Variants in DCAF8L2 observed in about 807,000 individuals in gnomAD.
DCAF8L2 encodes DDB1- and CUL4-associated factor 8-like protein 2.
For missense variants in DCAF8L2, 430 were observed against 490.7 expected, an observed-to-expected ratio of 0.88 and a Z score of 1.17; for synonymous variants, 200 against 190.9, an observed-to-expected ratio of 1.05 and a Z score of -0.39.
chrX:27,728,925 T>C (rs1248888163), intron 4 of DCAF8L2, among the ~76,000 whole-genome samples: 1 of 111,919 alleles, frequency 8.9e-6, no homozygotes, highest in African/African-American at 3.2e-5. Context: ...CACTCTTGTA[T>C]CCATAGTGCC....
At chrX:27,698,611 A>G (rs1414954109) in intron 3 of DCAF8L2, among the ~76,000 whole-genome samples, 2 of 112,387 alleles carry the variant, frequency 1.8e-5, no homozygotes, top group Admixed American at 1.9e-4. Context: ...TGGACTAATC[A>G]TAGACTATCT....
intron 3 of DCAF8L2, among the ~76,000 whole-genome samples, chrX:27,696,274 GAAAGAAA>G (rs1930902102): frequency 3.9e-3 from 98 of 24,955 alleles, no homozygotes; most frequent in Admixed American, 7.1e-3. Context: ...GAGAGAGAAA[GAAAGAAA>G]GAAAGAAAGA....
chrX:27,513,532 C>T, the DCAF8L2 span, among the ~76,000 whole-genome samples: 4 of 110,425 alleles, frequency 3.6e-5, no homozygotes, highest in Non-Finnish European at 5.7e-5. Context: ...TGGTGAAACC[C>T]TGTCTCTACT....
Position 27,704,296 on chromosome X carries a change from A to T in DCAF8L2, c.-142-11792A>T, listed in dbSNP as rs184621062. 7.5e-5 allele frequency among the ~76,000 whole-genome samples: 8 copies of T among 107,209 alleles called. No homozygotes were observed. The East Asian group carries it at 2.3e-3, about 31-fold the overall frequency. The allele number at this position is 107,209 out of a possible 115,157, so 93.1% of individuals were successfully genotyped here. A position where few individuals can be genotyped will look rare whatever the true frequency, so the allele number is the denominator to read the frequency against. On this transcript the variant is annotated intron_variant, in intron 3 of 4. Coordinates refer to ENST00000451261, the MANE Select transcript of DCAF8L2 (RefSeq NM_001353450.2). ...TATATGTACATATATATATACATAT[A>T]TATGTGTGTGTATATATATACACAA...
chrX:27,540,062 G>A, the DCAF8L2 span, among the ~76,000 whole-genome samples: 1 of 110,247 alleles, frequency 9.1e-6, no homozygotes, highest in Non-Finnish European at 1.9e-5. Context: ...CTTCCTAATC[G>A]CTGTTTCACT....
At chrX:27,618,486 G>C (rs958156455) in intron 1 of DCAF8L2, among the ~76,000 whole-genome samples, 21 of 111,465 alleles carry the variant, frequency 1.9e-4, no homozygotes, top group African/African-American at 6.8e-4. Context: ...AGACTTTTTA[G>C]GTGCATTAGA....
intron 2 of DCAF8L2, among the ~76,000 whole-genome samples, chrX:27,663,864 ATTTTTTTTTT>A (rs80069253): frequency 2.9e-5 from 2 of 68,988 alleles, no homozygotes; most frequent in African/African-American, 5.7e-5. Context: ...CACCTGGCTA[ATTTTTTTTTT>A]TTTTTTTTTT....
chrX:27,597,810 A>G (rs1472565342), intron 1 of DCAF8L2, among the ~76,000 whole-genome samples: 1 of 112,414 alleles, frequency 8.9e-6, no homozygotes, highest in African/African-American at 3.2e-5. Flanking sequence ...ATTTACAGCC[A>G]CGCTACTTAG....
the DCAF8L2 span, among the ~76,000 whole-genome samples, chrX:27,475,235 T>TA: frequency 9.1e-6 from 1 of 110,376 alleles, no homozygotes; most frequent in Non-Finnish European, 1.9e-5. Flanking sequence ...GTAAGTACTC[T>TA]ACTTTGAGTT....
At chrX:27,573,254 T>TCACACACA in the DCAF8L2 span, among the ~76,000 whole-genome samples, 1 of 99,710 alleles carries the variant, frequency 1.0e-5, no homozygotes, top group African/African-American at 3.8e-5. Flanking sequence ...TCTCTCTCTC[T>TCACACACA]CACACACACA....
In DCAF8L2 at chrX:27,747,371, A is replaced by C. The variant is rs770582913; in HGVS notation, c.476A>C (p.Asn159Thr). ...GCGGGTCCACAAGGCAGTGGCGGCAACCATGAGCAGTATTCGTTAGAGGAG... is the reference window on the plus strand; with the variant it reads ...GCGGGTCCACAAGGCAGTGGCGGCACCCATGAGCAGTATTCGTTAGAGGAG... Reference protein sequence around the residue: ...PRAGPQGSGGNHEQYSLEEDQ... With the variant: ...PRAGPQGSGGTHEQYSLEEDQ... Residue 159 changes from asparagine to threonine, a missense_variant, in exon 5 of 5, where the codon AAC (asparagine) becomes ACC (threonine). Physicochemically the swap from Asn to Thr is moderately conservative, Grantham distance 65. Coordinates refer to ENST00000451261, the MANE Select transcript of DCAF8L2 (RefSeq NM_001353450.2). 1.4e-4 allele frequency: 168 copies of C among 1,162,902 alleles called. 3 individuals carry two copies. The South Asian group carries it at 3.1e-3, about 22-fold the overall frequency.
chrX:27,478,030 C>T, the DCAF8L2 span, among the ~76,000 whole-genome samples: 1 of 111,414 alleles, frequency 9.0e-6, no homozygotes, highest in Non-Finnish European at 1.9e-5. Flanking sequence ...TCGTTAGTCT[C>T]ATGTGTCCAA....
the DCAF8L2 span, among the ~76,000 whole-genome samples, chrX:27,514,689 AAAAAAAC>A: frequency 2.8e-3 from 217 of 77,823 alleles, 19 homozygotes; most frequent in African/African-American, 0.014. Flanking sequence ...AAAAAAAAAA[AAAAAAAC>A]AAAAAAAAAA....
the DCAF8L2 span, among the ~76,000 whole-genome samples, chrX:27,513,687 G>T: frequency 2.0e-5 from 2 of 98,480 alleles, no homozygotes; most frequent in Non-Finnish European, 4.0e-5. Flanking sequence ...CCTGGTGACA[G>T]AGCAAGACTC....
chrX:27,592,725 C>T (rs1226127044), intron 1 of DCAF8L2, among the ~76,000 whole-genome samples: 1 of 110,813 alleles, frequency 9.0e-6, no homozygotes, highest in Non-Finnish European at 1.9e-5. Context: ...GTGTGAGCCA[C>T]CACCGCATCT....
chrX:27,717,577 GT>G (rs1343925126), intron 4 of DCAF8L2, among the ~76,000 whole-genome samples: 2 of 111,921 alleles, frequency 1.8e-5, no homozygotes, highest in Admixed American at 1.9e-4. Context: ...TTTTAATGGG[GT>G]TGTTTTTTTC....
chrX:27,478,040 A>G, the DCAF8L2 span, among the ~76,000 whole-genome samples: 9 of 111,303 alleles, frequency 8.1e-5, no homozygotes, highest in Non-Finnish European at 1.5e-4. Context: ...CATGTGTCCA[A>G]TTCTGCTGTG....
At chrX:27,695,054 C>G (rs1260520633) in intron 3 of DCAF8L2, among the ~76,000 whole-genome samples, 2 of 112,074 alleles carry the variant, frequency 1.8e-5, no homozygotes, top group African/African-American at 6.5e-5. Flanking sequence ...GCACACAGAG[C>G]AGACAGAACA....
At chrX:27,553,515 C>CT in the DCAF8L2 span, among the ~76,000 whole-genome samples, 11 of 109,606 alleles carry the variant, frequency 1.0e-4, no homozygotes, top group East Asian at 5.8e-4. Context: ...CCTTCTTTGT[C>CT]TTTTTTTTTA....
Sources: allele counts gnomAD v4.1 joint callset (sites outside exome capture counted in the v4.1 genomes callset), GRCh38; gene constraint gnomAD v4.1.1; transcripts MANE v1.5; gene names NCBI Gene and HGNC (gene_info 2026-07-23, HGNC 2026-07-21).